SGO2: variants seen among roughly 807,000 people sequenced by gnomAD.
The protein encoded by SGO2 is shugoshin 2, also known as shugoshin-like 2.
Under a neutral mutation model 99.5 loss-of-function variants are expected in SGO2, and 68 were observed. The ratio of observed to expected loss-of-function variants is 0.68; its 90% CI spans 0.56 to 0.84. The LOEUF (loss-of-function observed/expected upper bound fraction) is 0.84, where lower values mean the gene tolerates loss of function less well. SGO2 is among the 40% of genes least tolerant of loss of function. The pLI is 0.00. For missense variants in SGO2, 1,350 were observed against 1,436.7 expected (o/e 0.94, Z 0.97); for synonymous variants, 457 against 487.1 (o/e 0.94, Z 0.81).
chr2:200,572,244 A>G lies in SGO2; in HGVS notation c.1898A>G (p.Asn633Ser), dbSNP rs200970884. 1 of 1,612,820 alleles carries G rather than the reference A, an allele frequency of 6.2e-7. No homozygotes were observed. The highest frequency in any genetic ancestry group is 1.3e-5 in the African/African-American group (1 of 75,012). ...ISGMNHMYEDNDKDVVHGLKK... is the reference protein window; with the variant it reads ...ISGMNHMYEDSDKDVVHGLKK... Reference sequence around the variant, plus strand: ...GGAATGAACCACATGTATGAGGATAATGATAAAGATGTGGTGCATGGCCTA... The same window carrying G: ...GGAATGAACCACATGTATGAGGATAGTGATAAAGATGTGGTGCATGGCCTA... Residue 633 changes from asparagine (N) to serine (S), a missense_variant, in exon 7 of 9, where the codon AAT becomes AGT. Coordinates refer to ENST00000357799, the MANE Select transcript of SGO2 (RefSeq NM_152524.6).
In SGO2 at chr2:200,571,443, A is replaced by T; in HGVS notation, c.1097A>T (p.Asp366Val). ...LQKTVYDADM[D>V]LTASEVSKIV... ...AAAACTGTGTATGATGCTGACATGGATTTAACTGCTAGTGAAGTCAGCAAA... is the reference window on the plus strand; with the variant it reads ...AAAACTGTGTATGATGCTGACATGGTTTTAACTGCTAGTGAAGTCAGCAAA... The change falls in exon 7 of 9, where the codon GAT becomes GTT. Residue 366 changes from aspartate (D) to valine (V), a missense_variant. Coordinates refer to ENST00000357799, the MANE Select transcript of SGO2 (RefSeq NM_152524.6). 5 of 1,611,050 alleles carry T rather than the reference A, an allele frequency of 3.1e-6. No individual in the cohort carries two copies. The highest frequency in any genetic ancestry group is 3.4e-6 in the Non-Finnish European group (4 of 1,178,806).
In SGO2 at chr2:200,571,635, A is replaced by G; in HGVS notation, c.1289A>G (p.Glu430Gly). The change falls in exon 7 of 9, where the codon GAA becomes GGA. Residue 430 changes from glutamate (E) to glycine (G), a missense_variant. By Grantham distance (98) the Glu-to-Gly change is moderately conservative (BLOSUM62 -2). Transcript: ENST00000357799. The part of the protein sequence containing the change: ...SSDVDIGEKI[E>G]NRTERSDVLD... ...GATGTCGATATTGGGGAAAAGATTG[A>G]AAACAGGACAGAAAGATCTGATGTC... 1 of 1,613,042 alleles carries G rather than the reference A, an allele frequency of 6.2e-7. No individual in the cohort carries two copies. Among genetic ancestry groups the G allele is most frequent in the Non-Finnish European group, 8.5e-7 (1 of 1,179,576 alleles).
chr2:200,579,140 C>T (rs1298646451), intron 8 of SGO2, among the ~76,000 whole-genome samples: 1 of 152,146 alleles, frequency 6.6e-6, no homozygotes, highest in Non-Finnish European at 1.5e-5. Flanking sequence ...ATTTAGTTTT[C>T]TTTGTTGCTA....
At chr2:200,527,196 C>T (rs1311950737) in intron 1 of SGO2, among the ~76,000 whole-genome samples, 1 of 152,156 alleles carries the variant, frequency 6.6e-6, no homozygotes, top group African/African-American at 2.4e-5. Context: ...GGAACACTCC[C>T]AGATTTCTGG....
intron 5 of SGO2, among the ~76,000 whole-genome samples, chr2:200,547,283 G>A (rs1476672713): frequency 2.0e-5 from 3 of 152,170 alleles, no homozygotes; most frequent in South Asian, 4.1e-4. Context: ...TGTGTCCAAC[G>A]AATTGTCATG....
intron 5 of SGO2, among the ~76,000 whole-genome samples, chr2:200,551,105 T>G (rs1438373045): frequency 1.3e-5 from 2 of 151,996 alleles, no homozygotes; most frequent in Non-Finnish European, 2.9e-5. Flanking sequence ...ACCTTCCATA[T>G]GATCTAGCAA....
chr2:200,548,634 A>G (rs1357055200), intron 5 of SGO2, among the ~76,000 whole-genome samples: 2 of 152,202 alleles, frequency 1.3e-5, no homozygotes, highest in Non-Finnish European at 1.5e-5. Context: ...AATAAAATTG[A>G]TACTAAAAAA....
chr2:200,528,203 G>GT (rs539592366), intron 1 of SGO2, among the ~76,000 whole-genome samples: 300 of 152,138 alleles, frequency 2.0e-3, no homozygotes, highest in African/African-American at 6.7e-3. Context: ...CTACTGGAGA[G>GT]TTTTTTTTAA....
intron 4 of SGO2, among the ~76,000 whole-genome samples, chr2:200,539,951 C>A (rs1178856629): frequency 6.6e-6 from 1 of 151,612 alleles, no homozygotes; most frequent in Non-Finnish European, 1.5e-5. Flanking sequence ...GTTCTATCTC[C>A]AAGTTCAGGG....
chr2:200,568,216 T>C (rs1008643651), intron 5 of SGO2, among the ~76,000 whole-genome samples: 2 of 152,242 alleles, frequency 1.3e-5, no homozygotes, highest in Non-Finnish European at 1.5e-5. Context: ...TAATTAATGA[T>C]GTCAAGTATA....
chr2:200,564,073 T>C (rs2033088854), intron 5 of SGO2, among the ~76,000 whole-genome samples: 1 of 152,254 alleles, frequency 6.6e-6, no homozygotes, highest in South Asian at 2.1e-4. Flanking sequence ...AGTTCTGCTC[T>C]GATCTTAGTT....
At chr2:200,540,578 T>G (rs779272693) in intron 4 of SGO2, among the ~76,000 whole-genome samples, 7 of 152,206 alleles carry the variant, frequency 4.6e-5, no homozygotes, top group African/African-American at 1.7e-4. Context: ...GGGGGGAGGT[T>G]GTTACTACTG....
At chr2:200,552,306 ATT>A (rs2032524307) in intron 5 of SGO2, among the ~76,000 whole-genome samples, 1 of 152,180 alleles carries the variant, frequency 6.6e-6, no homozygotes. Context: ...AATAACTGAG[ATT>A]ACAGTTGTGT....
chr2:200,544,600 C>A (rs1258958988), intron 5 of SGO2, among the ~76,000 whole-genome samples: 1 of 152,116 alleles, frequency 6.6e-6, no homozygotes, highest in Non-Finnish European at 1.5e-5. Flanking sequence ...TAGTTTTGGT[C>A]TATTACAAAT....
In SGO2 at chr2:200,569,765, A is replaced by T; in HGVS notation, c.576A>T (p.Gly192=). The part of the protein sequence containing the change: ...SKTLPDIPSS[G]STTQPLSTQD... Reference sequence around the variant, plus strand: ...CATTACCTGATATTCCCTCTTCAGGATCAACAACACAACCTTTATCAACTC... The same window carrying T: ...CATTACCTGATATTCCCTCTTCAGGTTCAACAACACAACCTTTATCAACTC... Residue 192 remains glycine (G), a synonymous_variant, in exon 6 of 9, where the codon GGA becomes GGT. Coordinates refer to ENST00000357799, the MANE Select transcript of SGO2 (RefSeq NM_152524.6). The T allele has an allele frequency of 6.2e-7, 1 of 1,612,734 alleles. No individual in the cohort carries two copies. Among genetic ancestry groups the T allele is most frequent in the Non-Finnish European group, 8.5e-7 (1 of 1,178,950 alleles).
At chr2:200,533,928 G>A (rs2031561169) in intron 2 of SGO2, among the ~76,000 whole-genome samples, 1 of 152,056 alleles carries the variant, frequency 6.6e-6, no homozygotes, top group African/African-American at 2.4e-5. Flanking sequence ...CCCCTGTTAT[G>A]AAGGAATATG....
chr2:200,530,367 AC>A (rs1378061284), intron 1 of SGO2, among the ~76,000 whole-genome samples: 2 of 152,242 alleles, frequency 1.3e-5, no homozygotes, highest in Non-Finnish European at 2.9e-5. Flanking sequence ...ATTACCATGA[AC>A]TGAAATAGAA....
At chr2:200,531,492 A>G (rs1242689609) in intron 1 of SGO2, among the ~76,000 whole-genome samples, 2 of 152,102 alleles carry the variant, frequency 1.3e-5, no homozygotes, top group African/African-American at 4.8e-5. Flanking sequence ...GCCTGACAGG[A>G]CTGCAGGAGA....
Position 200,569,972 on chromosome 2 carries a change from AT to A in SGO2, c.703+81del, listed in dbSNP as rs752276959. The A allele has an allele frequency of 1.2e-5, 11 of 883,020 alleles. No individual in the cohort carries two copies. The South Asian group carries it at 1.6e-4, about 13-fold the overall frequency. 54.7% of individuals were successfully genotyped at this position (883,020 alleles called of 1,614,324 possible). On this transcript the variant is annotated intron_variant, in intron 6 of 8. Coordinates refer to ENST00000357799, the MANE Select transcript of SGO2 (RefSeq NM_152524.6). Reference sequence around the variant, plus strand: ...ATGTTCTTCCTGAGGGCAATTATGTATAACAGTTAATAAGTTAGCTCTCTTA... The same window carrying A: ...ATGTTCTTCCTGAGGGCAATTATGTAAACAGTTAATAAGTTAGCTCTCTTA...
Sources: gnomAD v4.1 joint callset for allele counts (sites outside exome capture counted in the v4.1 genomes callset) on GRCh38, gnomAD v4.1.1 for gene constraint, MANE v1.5 for transcripts, NCBI Gene and HGNC (gene_info 2026-07-23, HGNC 2026-07-21) for gene names.